Variants in SOX5 observed in about 807,000 individuals in gnomAD.
SOX5 encodes SRY-box transcription factor 5, also known as transcription factor SOX-5.
A neutral mutation model predicts 92.0 loss-of-function variants in SOX5; 9 were observed. The observed-to-expected ratio is 0.10, with a 90% confidence interval of 0.06 to 0.17. The LOEUF (loss-of-function observed/expected upper bound fraction) is 0.17, where lower values mean the gene tolerates loss of function less well. SOX5 is among the 10% of genes least tolerant of loss of function. The probability of loss-of-function intolerance (pLI) is 1.00; values close to 1 mark genes in which losing one functional copy is unlikely to be tolerated. For missense variants in SOX5, 642 were observed against 944.5 expected (o/e 0.68, Z 4.20); for synonymous variants, 344 against 336.3 (o/e 1.02, Z -0.25).
intron 1 of SOX5, among the ~76,000 whole-genome samples, chr12:24,444,368 A>G (rs1217019881): frequency 6.6e-6 from 1 of 152,196 alleles, no homozygotes; most frequent in Non-Finnish European, 1.5e-5. Flanking sequence ...GCAGATAATC[A>G]GAATAGATAC....
chr12:24,183,949 GAC>G (rs1236388207), intron 4 of SOX5, among the ~76,000 whole-genome samples: 1 of 152,230 alleles, frequency 6.6e-6, no homozygotes, highest in East Asian at 1.9e-4. Flanking sequence ...AAAGGTGTCT[GAC>G]ACAGAGTAAC....
chr12:24,101,265 C>A (rs1040582483), intron 4 of SOX5, among the ~76,000 whole-genome samples: 3 of 152,146 alleles, frequency 2.0e-5, no homozygotes, highest in Non-Finnish European at 4.4e-5. Flanking sequence ...AGCTTCCTTC[C>A]TGTGCCTTGA....
intron 1 of SOX5, among the ~76,000 whole-genome samples, chr12:24,438,117 A>G (rs1029536626): frequency 6.6e-6 from 1 of 152,194 alleles, no homozygotes; most frequent in African/African-American, 2.4e-5. Flanking sequence ...AAAGGATGAG[A>G]TCATGTCCTT....
At chr12:24,180,022 G>A (rs1192939876) in intron 4 of SOX5, among the ~76,000 whole-genome samples, 1 of 151,276 alleles carries the variant, frequency 6.6e-6, no homozygotes, top group African/African-American at 2.4e-5. Flanking sequence ...ATCGCTCACT[G>A]CATCCTCGAC....
Position 23,565,725 on chromosome 12 carries a change from T to A in SOX5, c.1343-2322A>T, listed in dbSNP as rs1592118406. Among the ~76,000 whole-genome samples the A allele has an allele frequency of 2.6e-5, 4 of 151,990 alleles. No individual in the cohort carries two copies. The South Asian group carries it at 8.3e-4, about 31-fold the overall frequency. On this transcript the variant is annotated intron_variant, in intron 10 of 14. Coordinates refer to ENST00000451604, the MANE Select transcript of SOX5 (RefSeq NM_006940.6). Reference sequence around the variant, plus strand: ...TTCACTTTAAAATAAACATTCTTGCTTTTAGAGACTCTTGAGTTTTAGTTA... The same window carrying A: ...TTCACTTTAAAATAAACATTCTTGCATTTAGAGACTCTTGAGTTTTAGTTA...
intron 6 of SOX5, among the ~76,000 whole-genome samples, chr12:23,710,130 A>G (rs2091890174): frequency 6.6e-6 from 1 of 152,134 alleles, no homozygotes; most frequent in African/African-American, 2.4e-5. Context: ...ACACGCACAC[A>G]CTCAAAGACA....
At chr12:23,693,338 G>A (rs181059241) in intron 6 of SOX5, among the ~76,000 whole-genome samples, 50 of 152,152 alleles carry the variant, frequency 3.3e-4, no homozygotes, top group African/African-American at 1.1e-3. Flanking sequence ...TGGTCAGGCT[G>A]GTCTTGAACT....
intron 1 of SOX5, among the ~76,000 whole-genome samples, chr12:24,460,212 A>G (rs1943470840): frequency 6.6e-6 from 1 of 152,204 alleles, no homozygotes; most frequent in African/African-American, 2.4e-5. Flanking sequence ...GTCAAATCAA[A>G]TTAAATGGAA....
At chr12:23,782,136 C>A (rs2095293053) in intron 3 of SOX5, among the ~76,000 whole-genome samples, 1 of 152,010 alleles carries the variant, frequency 6.6e-6, no homozygotes, top group Admixed American at 6.5e-5. Flanking sequence ...CAGTTTCCAA[C>A]TCTAGGGAAA....
chr12:23,792,244 G>A (rs1293838030), intron 3 of SOX5, among the ~76,000 whole-genome samples: 1 of 151,914 alleles, frequency 6.6e-6, no homozygotes, highest in African/African-American at 2.4e-5. Context: ...ATATAGAATA[G>A]AGATACGAAA....
chr12:24,102,303 C>A (rs1258467914), intron 4 of SOX5, among the ~76,000 whole-genome samples: 1 of 152,166 alleles, frequency 6.6e-6, no homozygotes, highest in African/African-American at 2.4e-5. Flanking sequence ...CAATACATTT[C>A]TTTTCAAATA....
At chr12:24,248,539 C>A (rs1212049972) in intron 3 of SOX5, among the ~76,000 whole-genome samples, 4 of 152,150 alleles carry the variant, frequency 2.6e-5, no homozygotes, top group African/African-American at 9.7e-5. Context: ...CGAGTGCTAC[C>A]ACGCTCGGCT....
At chr12:23,624,836 C>T (rs1271714307) in intron 8 of SOX5, among the ~76,000 whole-genome samples, 2 of 152,132 alleles carry the variant, frequency 1.3e-5, no homozygotes, top group African/African-American at 4.8e-5. Context: ...ACAAAAGATA[C>T]AAATGCAACA....
At chr12:24,055,650 A>T (rs867965579) in intron 4 of SOX5, among the ~76,000 whole-genome samples, 1 of 152,246 alleles carries the variant, frequency 6.6e-6, no homozygotes, top group African/African-American at 2.4e-5. Flanking sequence ...GAAAAGACAT[A>T]AGATTCTTTC....
chr12:24,391,542 A>G (rs983710780), intron 1 of SOX5, among the ~76,000 whole-genome samples: 35 of 152,190 alleles, frequency 2.3e-4, no homozygotes, highest in African/African-American at 8.4e-4. Context: ...TGATAGAGAT[A>G]TACTAATCTA....
At chr12:24,391,624 A>G (rs926950562) in intron 1 of SOX5, among the ~76,000 whole-genome samples, 1 of 152,176 alleles carries the variant, frequency 6.6e-6, no homozygotes, top group Non-Finnish European at 1.5e-5. Flanking sequence ...ATGTTATGAT[A>G]TATTATGAAT....
chr12:24,356,232 T>C (rs1436090722), intron 2 of SOX5, among the ~76,000 whole-genome samples: 1 of 152,136 alleles, frequency 6.6e-6, no homozygotes, highest in Non-Finnish European at 1.5e-5. Flanking sequence ...CAAAGTTAAA[T>C]GAAGCAATGA....
Position 24,014,470 on chromosome 12 carries a change from A to G in SOX5, c.-1-118446T>C, listed in dbSNP as rs372645690. On this transcript the variant is annotated intron_variant, in intron 4 of 4. Transcript: ENST00000446891. ...AGCCCTTTCTCTGGTGACTATGTATAAGGCAGCAAACAGCCTGGCAGCACC... is the reference window on the plus strand; with the variant it reads ...AGCCCTTTCTCTGGTGACTATGTATGAGGCAGCAAACAGCCTGGCAGCACC... Among the ~76,000 whole-genome samples, 7 of 152,300 alleles carry G rather than the reference A, an allele frequency of 4.6e-5. 1 individual carries two copies.
At chr12:23,901,064 A>T (rs941930041) in intron 1 of SOX5, among the ~76,000 whole-genome samples, 1 of 152,224 alleles carries the variant, frequency 6.6e-6, no homozygotes, top group Non-Finnish European at 1.5e-5. Context: ...TTGCATGTGT[A>T]ATTAAATTAA....
Sources: gnomAD v4.1 joint callset for allele counts (sites outside exome capture counted in the v4.1 genomes callset) on GRCh38, gnomAD v4.1.1 for gene constraint, MANE v1.5 for transcripts, NCBI Gene and HGNC (gene_info 2026-07-23, HGNC 2026-07-21) for gene names.